The following PRIMA1 variants were observed in gnomAD, a reference collection of about 807,000 sequenced individuals.
PRIMA1 encodes proline-rich membrane anchor 1.
PRIMA1 carries 7 observed loss-of-function variants against 17.5 expected under a neutral mutation model. The ratio of observed to expected loss-of-function variants is 0.40; its 90% CI spans 0.23 to 0.75. The LOEUF is 0.75. Ranked by LOEUF, PRIMA1 falls within the 30% of genes least tolerant of loss-of-function variation. The pLI is 0.37. For missense variants in PRIMA1, 200 were observed against 201.8 expected (o/e 0.99, Z 0.05); for synonymous variants, 97 against 77.9 (o/e 1.25, Z -1.29).
chr14:93,718,600 T>A lies in PRIMA1; in HGVS notation c.*2844A>T, dbSNP rs984836456. 1 of 152,358 alleles carries A rather than the reference T, an allele frequency of 6.6e-6. No homozygotes were observed. Among genetic ancestry groups the A allele is most frequent in the African/African-American group, 2.4e-5 (1 of 41,360 alleles). 9.4% of individuals were successfully genotyped at this position (152,358 alleles called of 1,614,324 possible). Reference sequence around the variant, plus strand: ...ACTACCTGGGCAGTTTAACTCATACTTTGTACAGATGCAGAGAGTACAGTA... The same window carrying A: ...ACTACCTGGGCAGTTTAACTCATACATTGTACAGATGCAGAGAGTACAGTA... On this transcript the variant is annotated 3_prime_UTR_variant, in exon 5 of 5. Transcript: ENST00000393140.
chr14:93,772,900 T>C (rs1885109984), intron 3 of PRIMA1, among the ~76,000 whole-genome samples: 2 of 152,242 alleles, frequency 1.3e-5, no homozygotes, highest in African/African-American at 4.8e-5. Flanking sequence ...CTCTCATTTC[T>C]ACTGCTTGCA....
intron 3 of PRIMA1, among the ~76,000 whole-genome samples, chr14:93,755,156 C>G (rs534911132): frequency 2.0e-5 from 3 of 152,310 alleles, no homozygotes; most frequent in Admixed American, 2.0e-4. Flanking sequence ...AGCTCAGGTG[C>G]TCCCTCCCCA....
chr14:93,744,760 C>G (rs2076206245), intron 3 of PRIMA1, among the ~76,000 whole-genome samples: 1 of 152,206 alleles, frequency 6.6e-6, no homozygotes, highest in African/African-American at 2.4e-5. Context: ...CAATTCCTCC[C>G]TCCAATCACG....
intron 4 of PRIMA1, among the ~76,000 whole-genome samples, chr14:93,736,028 C>T (rs549914351): frequency 6.6e-6 from 1 of 152,282 alleles, no homozygotes; most frequent in East Asian, 1.9e-4. Context: ...CCCAGAGTTA[C>T]AGGGTCTTAG....
rs963450327 is a variant in PRIMA1 at position 93,771,507 on chromosome 14, A to G, written c.229+7669T>C. On this transcript the variant is annotated intron_variant, in intron 3 of 4. Transcript: ENST00000393140. ...TATTGACCACAAGACATGGGAGAGG[A>G]AGCCTTCAAGGTGGCCCCAGCCCTG... Among the ~76,000 whole-genome samples, 19 of 152,158 alleles carry G rather than the reference A, an allele frequency of 1.2e-4. 1 individual carries two copies. Among genetic ancestry groups the G allele is most frequent in the African/African-American group, 4.6e-4 (19 of 41,416 alleles).
chr14:93,782,674 C>T (rs1182903002), intron 2 of PRIMA1, among the ~76,000 whole-genome samples: 2 of 152,204 alleles, frequency 1.3e-5, no homozygotes, highest in Non-Finnish European at 1.5e-5. Flanking sequence ...ATAAGGGCCT[C>T]TCTGAAATGT....
intron 2 of PRIMA1, among the ~76,000 whole-genome samples, chr14:93,780,756 G>A (rs1885353470): frequency 6.6e-6 from 1 of 152,204 alleles, no homozygotes; most frequent in Admixed American, 6.5e-5. Flanking sequence ...TAGACTGACT[G>A]CCAGTGTCCC....
intron 4 of PRIMA1, among the ~76,000 whole-genome samples, chr14:93,728,223 T>G (rs953522837): frequency 6.6e-6 from 1 of 152,188 alleles, no homozygotes; most frequent in African/African-American, 2.4e-5. Flanking sequence ...CCAAGGACAC[T>G]GGCCTCGACC....
At chr14:93,760,560 C>T (rs2076320469) in intron 3 of PRIMA1, among the ~76,000 whole-genome samples, 1 of 152,168 alleles carries the variant, frequency 6.6e-6, no homozygotes, top group Non-Finnish European at 1.5e-5. Context: ...GCTCACGGCC[C>T]ATCTACAGCA....
chr14:93,743,331 T>C (rs1425379123), intron 3 of PRIMA1, among the ~76,000 whole-genome samples: 1 of 152,196 alleles, frequency 6.6e-6, no homozygotes, highest in African/African-American at 2.4e-5. Flanking sequence ...TCCAAGTCTT[T>C]GGGGACTCAA....
In PRIMA1 at chr14:93,725,463, C is replaced by G. The variant is rs139448099; in HGVS notation, c.360-3917G>C. 8.5e-5 allele frequency among the ~76,000 whole-genome samples: 13 copies of G among 152,250 alleles called. No homozygotes were observed. The East Asian group carries it at 9.7e-4, about 11-fold the overall frequency. On this transcript the variant is annotated intron_variant, in intron 4 of 4. Transcript: ENST00000393140. ...AAGACGGCTCCACCTCTGCACCCCC[C>G]CAACTCCACCCCTCCATCAAGCACG... is the stretch of plus-strand genomic sequence containing the variant.
chr14:93,746,719 G>A (rs1259593167), intron 3 of PRIMA1, among the ~76,000 whole-genome samples: 1 of 152,166 alleles, frequency 6.6e-6, no homozygotes. Flanking sequence ...TAACCTAGCA[G>A]CGAGATGGCG....
intron 3 of PRIMA1, among the ~76,000 whole-genome samples, chr14:93,744,829 C>T (rs544368641): frequency 7.2e-4 from 110 of 152,308 alleles, no homozygotes; most frequent in African/African-American, 2.6e-3. Context: ...GCACCCGTGC[C>T]TGGCCCATGC....
chr14:93,746,651 T>A (rs2076220435), intron 3 of PRIMA1, among the ~76,000 whole-genome samples: 1 of 151,964 alleles, frequency 6.6e-6, no homozygotes, highest in African/African-American at 2.4e-5. Flanking sequence ...AGTCCCTCTG[T>A]GTTTAAACTG....
At chr14:93,744,845 A>C (rs994461089) in intron 3 of PRIMA1, among the ~76,000 whole-genome samples, 3 of 152,134 alleles carry the variant, frequency 2.0e-5, no homozygotes, top group African/African-American at 7.2e-5. Context: ...CATGCTTGAC[A>C]GAAAGCCAGG....
intron 3 of PRIMA1, among the ~76,000 whole-genome samples, chr14:93,741,670 C>G (rs527338322): frequency 1.6e-4 from 24 of 152,248 alleles, no homozygotes; most frequent in Middle Eastern, 3.4e-3. Flanking sequence ...GGAAGAGGCA[C>G]GCATGAATTG....
At chr14:93,737,569 C>CATTGGTGGG (rs2076158588) in intron 3 of PRIMA1, among the ~76,000 whole-genome samples, 199 bp from the exon 4 acceptor site, 2 of 151,274 alleles carry the variant, frequency 1.3e-5, no homozygotes, top group Admixed American at 6.6e-5. Context: ...ATGGGGAGGT[C>CATTGGTGGG]ACTGGTGGGA....
chr14:93,768,258 G>A (rs1884951463), intron 3 of PRIMA1, among the ~76,000 whole-genome samples: 1 of 152,134 alleles, frequency 6.6e-6, no homozygotes, highest in Non-Finnish European at 1.5e-5. Flanking sequence ...CCTAAACCCT[G>A]CAAACATATT....
At chr14:93,734,299 G>C (rs1196273414) in intron 4 of PRIMA1, among the ~76,000 whole-genome samples, 1 of 152,232 alleles carries the variant, frequency 6.6e-6, no homozygotes, top group Non-Finnish European at 1.5e-5. Flanking sequence ...CTTACTGACG[G>C]TGTGTCCTGA....
Sources: gnomAD v4.1 joint callset for allele counts (sites outside exome capture counted in the v4.1 genomes callset) on GRCh38, gnomAD v4.1.1 for gene constraint, MANE v1.5 for transcripts, NCBI Gene and HGNC (gene_info 2026-07-23, HGNC 2026-07-21) for gene names.